Variants in MAP2K5 observed in about 807,000 individuals in gnomAD.
MAP2K5 encodes dual specificity mitogen-activated protein kinase kinase 5.
Under a neutral mutation model 83.1 loss-of-function variants are expected in MAP2K5, and 49 were observed. The observed-to-expected ratio is 0.59, with a 90% confidence interval of 0.47 to 0.75. The LOEUF (loss-of-function observed/expected upper bound fraction) is 0.75, where lower values mean the gene tolerates loss of function less well. MAP2K5 is among the 30% of genes least tolerant of loss of function. The pLI, the probability that MAP2K5 is intolerant of heterozygous loss-of-function variation, is 0.00. For missense variants in MAP2K5, 457 were observed against 557.5 expected (o/e 0.82, Z 1.82); for synonymous variants, 202 against 191.8 (o/e 1.05, Z -0.44).
At chr15:67,711,483 G>A (rs2088690583) in intron 16 of MAP2K5, among the ~76,000 whole-genome samples, 1 of 152,098 alleles carries the variant, frequency 6.6e-6, no homozygotes, top group African/African-American at 2.4e-5. Context: ...AGAGCTTTTG[G>A]ACAAAGTTCA....
In MAP2K5 at chr15:67,543,205, T is replaced by A; in HGVS notation, c.-131T>A. On this transcript the variant is annotated 5_prime_UTR_variant, in exon 1 of 22. Transcript: ENST00000178640. This position sits in a 1 kb window ranked among gnomAD's most constrained non-coding sequence, Gnocchi z 4.3. ...TCACCCCTCCCCTCTTCCCTCCCCC[T>A]CATCCTCCATTCCCTTGTTTTCACC... 192 of 770,668 alleles carry A rather than the reference T, an allele frequency of 2.5e-4. No homozygotes were observed. Among genetic ancestry groups the A allele is most frequent in the East Asian group, 6.7e-4 (24 of 35,762 alleles). 47.7% of individuals were successfully genotyped at this position (770,668 alleles called of 1,614,324 possible).
At position 67,755,615 on chromosome 15, in the gene MAP2K5, G is replaced by C. The variant is rs1342010200; in HGVS notation, c.1134+7014G>C. Among the ~76,000 whole-genome samples the C allele has an allele frequency of 6.6e-6, 1 of 152,166 alleles. No homozygotes were observed. The highest frequency in any genetic ancestry group is 2.4e-5 in the African/African-American group (1 of 41,426). On this transcript the variant is annotated intron_variant, in intron 19 of 21. Coordinates refer to ENST00000178640, the MANE Select transcript of MAP2K5 (RefSeq NM_145160.3). The surrounding 1 kb of genome is among the most constrained non-coding windows in gnomAD (Gnocchi z 4.7). Reference sequence around the variant, plus strand: ...AGGCCTCTTGTGAGTCCAGATGTTTGGTGGGGTAGATGATTGTCCCTATTC... The same window carrying C: ...AGGCCTCTTGTGAGTCCAGATGTTTCGTGGGGTAGATGATTGTCCCTATTC...
rs755739176 is a variant in MAP2K5 at position 67,624,338 on chromosome 15, C to CAAAAA, written c.546-6533_546-6529dup. Among the ~76,000 whole-genome samples the CAAAAA allele has an allele frequency of 1.4e-3, 108 of 77,464 alleles. 2 individuals carry two copies. The highest frequency in any genetic ancestry group is 2.1e-3 in the African/African-American group (39 of 18,672). The allele number at this position is 77,464 out of a possible 152,430, so 50.8% of individuals were successfully genotyped here. ...TGGGCGACAGAGCAAGACTCCGTCT[C>CAAAAA]AAAAAAAAAAAAAAAAAAAAAGAAG... On this transcript the variant is annotated intron_variant, in intron 8 of 21. Coordinates refer to ENST00000178640, the MANE Select transcript of MAP2K5 (RefSeq NM_145160.3).
At chr15:67,575,892 CT>C (rs1161252432) in intron 3 of MAP2K5, among the ~76,000 whole-genome samples, 1 of 53,886 alleles carries the variant, frequency 1.9e-5, no homozygotes, top group East Asian at 5.8e-4. Flanking sequence ...GTTTTCTCTT[CT>C]TTTTTTCTTT....
At chr15:67,707,704 C>T (rs1179343507) in intron 16 of MAP2K5, among the ~76,000 whole-genome samples, 1 of 152,104 alleles carries the variant, frequency 6.6e-6, no homozygotes, top group Non-Finnish European at 1.5e-5. Flanking sequence ...TGGGGTTTCA[C>T]ACAAAGGAAT....
At chr15:67,772,830 G>A in intron 21 of MAP2K5, 78 bp downstream of exon 21, 1 of 1,283,926 alleles carries the variant, frequency 7.8e-7, no homozygotes, top group Non-Finnish European at 1.1e-6. Flanking sequence ...AGTCCAGAAT[G>A]GAATTTGAAA....
rs142554238 is a variant in MAP2K5, at chr15:67,742,233, T to A, written c.1075-5998T>A. Among the ~76,000 whole-genome samples the A allele has an allele frequency of 2.1e-3, 325 of 152,278 alleles. 1 individual carries two copies. Among genetic ancestry groups the A allele is most frequent in the East Asian group, 0.013 (68 of 5,184 alleles). On this transcript the variant is annotated intron_variant, in intron 17 of 21. Coordinates refer to ENST00000178640, the MANE Select transcript of MAP2K5 (RefSeq NM_145160.3). ...ACAGTTTAATCTGCCCAAAAGAGAA[T>A]CATTGGAATCTCATCATTAGAAGTC...
chr15:67,719,870 C>G lies in MAP2K5; in HGVS notation c.1045-8046C>G, dbSNP rs1033480828. Among the ~76,000 whole-genome samples the G allele has an allele frequency of 3.9e-5, 6 of 152,146 alleles. No homozygotes were observed. Among genetic ancestry groups the G allele is most frequent in the Non-Finnish European group, 8.8e-5 (6 of 68,008 alleles). Reference sequence around the variant, plus strand: ...TTAATCATGACTAAACTTTATGTCTCTTTAACTCAGAGTCTCTCACGAATT... The same window carrying G: ...TTAATCATGACTAAACTTTATGTCTGTTTAACTCAGAGTCTCTCACGAATT... On this transcript the variant is annotated intron_variant, in intron 16 of 21. Transcript: ENST00000178640. This position sits in a 1 kb window ranked among gnomAD's most constrained non-coding sequence, Gnocchi z 4.6.
chr15:67,554,512 T>A (rs370288440), intron 2 of MAP2K5, among the ~76,000 whole-genome samples: 7 of 151,912 alleles, frequency 4.6e-5, no homozygotes, highest in African/African-American at 1.7e-4. Flanking sequence ...AGAAAAAGAG[T>A]TGAGTGAGTG....
At chr15:67,571,770 T>C (rs1172821312) in intron 3 of MAP2K5, among the ~76,000 whole-genome samples, 1 of 152,142 alleles carries the variant, frequency 6.6e-6, no homozygotes, top group Non-Finnish European at 1.5e-5. Context: ...ACACAGCTAG[T>C]CAATAGAGAG....
At chr15:67,688,714 G>A (rs1050037685) in intron 13 of MAP2K5, among the ~76,000 whole-genome samples, 4 of 152,266 alleles carry the variant, frequency 2.6e-5, no homozygotes, top group Non-Finnish European at 5.9e-5. Context: ...AATCCTCACA[G>A]TTCTCTAATA....
intron 16 of MAP2K5, among the ~76,000 whole-genome samples, chr15:67,716,528 T>TA (rs1804965689): frequency 6.6e-6 from 1 of 152,184 alleles, no homozygotes; most frequent in African/African-American, 2.4e-5. Context: ...TATCCAGTGG[T>TA]AAAAACCACT....
At chr15:67,679,688 T>C (rs1284476759) in intron 13 of MAP2K5, 2 of 152,222 alleles carry the variant, frequency 1.3e-5, no homozygotes, top group South Asian at 2.1e-4. Context: ...TTTCATACTT[T>C]GTTATAGGGT....
At chr15:67,626,002 T>C (rs1008715073) in intron 8 of MAP2K5, among the ~76,000 whole-genome samples, 2 of 152,332 alleles carry the variant, frequency 1.3e-5, no homozygotes, top group Non-Finnish European at 2.9e-5. Context: ...GTGTTGCTTA[T>C]TCGAAGTAAC....
chr15:67,660,167 A>G (rs1023188877), intron 12 of MAP2K5, among the ~76,000 whole-genome samples: 1 of 112,306 alleles, frequency 8.9e-6, no homozygotes, highest in African/African-American at 3.4e-5. Flanking sequence ...AACTACTTAC[A>G]GCTGGAGTAG....
chr15:67,597,439 A>G (rs531317708), intron 7 of MAP2K5, among the ~76,000 whole-genome samples: 5 of 152,358 alleles, frequency 3.3e-5, no homozygotes, highest in African/African-American at 1.2e-4. Flanking sequence ...ACTGGAGTAT[A>G]CTGAAAGACT....
rs147801408 is a variant in MAP2K5, at chr15:67,687,339, CTATT to C, written c.848-5134_848-5131del. Among the ~76,000 whole-genome samples the C allele has an allele frequency of 5.5e-3, 836 of 152,190 alleles. 6 individuals carry two copies. Among genetic ancestry groups the C allele is most frequent in the African/African-American group, 0.019 (805 of 41,520 alleles). On this transcript the variant is annotated intron_variant, in intron 13 of 21. Coordinates refer to ENST00000178640, the MANE Select transcript of MAP2K5 (RefSeq NM_145160.3). ...AAATATGCACAGCCAAGCTTAGGAG[CTATT>C]TATTTGCATAACTTTCATTGTCTTT... is the stretch of plus-strand genomic sequence containing the variant.
In MAP2K5 at chr15:67,692,071, T is replaced by A. The variant is rs142837108; in HGVS notation, c.848-408T>A. 2.8e-4 allele frequency among the ~76,000 whole-genome samples: 42 copies of A among 152,324 alleles called. 1 individual carries two copies. The highest frequency in any genetic ancestry group is 2.1e-3 in the Admixed American group (32 of 15,304). On this transcript the variant is annotated intron_variant, in intron 13 of 21. Transcript: ENST00000178640. ...CCCTTTGGCATTACTATTACTTAGATAGGAGGACTAGCTTGATAATTACAC... is the reference window on the plus strand; with the variant it reads ...CCCTTTGGCATTACTATTACTTAGAAAGGAGGACTAGCTTGATAATTACAC...
intron 3 of MAP2K5, among the ~76,000 whole-genome samples, chr15:67,576,946 T>G (rs1436145861): frequency 7.2e-6 from 1 of 138,642 alleles, no homozygotes; most frequent in South Asian, 2.4e-4. Flanking sequence ...TTTTTTTTTT[T>G]GAGACGGAGT....
Sources: allele counts gnomAD v4.1 joint callset (sites outside exome capture counted in the v4.1 genomes callset), GRCh38; gene constraint gnomAD v4.1.1; non-coding constraint Gnocchi (gnomAD v3.1); transcripts MANE v1.5; gene names NCBI Gene and HGNC (gene_info 2026-07-23, HGNC 2026-07-21).